The following BEND2 variants were observed in gnomAD, a reference collection of about 807,000 sequenced individuals.
BEND2 encodes the protein BEN domain-containing protein 2.
Under a neutral mutation model 43.8 loss-of-function variants are expected in BEND2, and 19 were observed. The observed-to-expected ratio is 0.43, with a 90% confidence interval of 0.30 to 0.64. BEND2 has a LOEUF of 0.64. Among genes scored for constraint, BEND2 ranks in the 30% least tolerant of loss-of-function variants. BEND2 has a pLI of 0.11. For synonymous variants in BEND2, 226 were observed against 210.1 expected, an observed-to-expected ratio of 1.08 and a Z score of -0.66; for missense variants, 544 against 574.0, an observed-to-expected ratio of 0.95 and a Z score of 0.53.
rs1483660216 is a variant in BEND2 at position 18,174,166 on chromosome X, G to A, written c.1845C>T (p.Gly615=). 1.7e-6 allele frequency: 2 copies of A among 1,209,883 alleles called. No homozygotes were observed. Among genetic ancestry groups the A allele is most frequent in the African/African-American group, 3.5e-5 (2 of 57,213 alleles). The change falls in exon 12 of 14, where the codon GGC becomes GGT. Residue 615 remains glycine, a synonymous_variant. Coordinates refer to ENST00000380033, the MANE Select transcript of BEND2 (RefSeq NM_153346.5). ...TCATTGGCTGAAACATCCAAGAACA[G>A]CCTTCACCACCATCTCTGCCCCTTT... is the stretch of plus-strand genomic sequence containing the variant. ...NDQRGRDGGE[G]CSWMFQPMNN...
At chrX:18,219,531 T>C (rs1218889291) in intron 1 of BEND2, among the ~76,000 whole-genome samples, 2 of 112,827 alleles carry the variant, frequency 1.8e-5, no homozygotes, top group African/African-American at 6.4e-5. Context: ...CAAACTCGGT[T>C]ACCATCAAAG....
intron 12 of BEND2, among the ~76,000 whole-genome samples, chrX:18,172,858 A>G (rs1450450044): frequency 9.0e-6 from 1 of 111,147 alleles, no homozygotes; most frequent in Non-Finnish European, 1.9e-5. Flanking sequence ...CTATAATCCT[A>G]TTAAGAGCAA....
intron 9 of BEND2, among the ~76,000 whole-genome samples, chrX:18,178,386 G>T (rs1924257393): frequency 9.0e-6 from 1 of 111,442 alleles, no homozygotes; most frequent in South Asian, 3.8e-4. Context: ...AGGCCCAAAG[G>T]AGATAAGTTA....
chrX:18,172,842 G>A (rs185284389), intron 12 of BEND2, among the ~76,000 whole-genome samples: 294 of 110,985 alleles, frequency 2.6e-3, no homozygotes, highest in Admixed American at 5.5e-3. Context: ...CTTAATTAAT[G>A]GAATGCTATA....
chrX:18,196,604 T>C (rs758092449), intron 6 of BEND2, among the ~76,000 whole-genome samples: 5 of 106,121 alleles, frequency 4.7e-5, no homozygotes, highest in Non-Finnish European at 9.6e-5. Context: ...AACTATTGTA[T>C]ATCCAAACCA....
intron 11 of BEND2, among the ~76,000 whole-genome samples, chrX:18,175,243 T>C (rs1462262421): frequency 1.8e-5 from 2 of 111,520 alleles, no homozygotes; most frequent in African/African-American, 6.5e-5. Context: ...CAGCTACAAA[T>C]ATTCTTGGCA....
chrX:18,177,415 T>C (rs1924208767), intron 10 of BEND2, among the ~76,000 whole-genome samples, 154 bp downstream of exon 10: 1 of 109,765 alleles, frequency 9.1e-6, no homozygotes, highest in South Asian at 4.0e-4. Context: ...TATATATTAT[T>C]AAGTTGTAAA....
chrX:18,167,325 A>G (rs1334897177), intron 13 of BEND2, among the ~76,000 whole-genome samples: 1 of 111,482 alleles, frequency 9.0e-6, no homozygotes, highest in Non-Finnish European at 1.9e-5. Context: ...AAGGTATTTC[A>G]TGAAACACCT....
chrX:18,220,124 C>T (rs1925817643), intron 1 of BEND2, among the ~76,000 whole-genome samples: 1 of 111,277 alleles, frequency 9.0e-6, no homozygotes, highest in African/African-American at 3.3e-5. Context: ...GCGGGCACCC[C>T]GGGAGAGGCG....
At chrX:18,201,435 G>A (rs1351978279) in intron 6 of BEND2, among the ~76,000 whole-genome samples, 2 of 98,766 alleles carry the variant, frequency 2.0e-5, no homozygotes, top group Non-Finnish European at 4.1e-5. Context: ...AAAAAAACTG[G>A]TGGATCAAGG....
rs1224384678 is a variant in BEND2, at chrX:18,203,709, T to G, written c.699A>C (p.Pro233=). The G allele has an allele frequency of 1.7e-6, 2 of 1,211,048 alleles. No homozygotes were observed. The highest frequency in any genetic ancestry group is 4.3e-5 in the Admixed American group (2 of 46,063). ...CAGCACCTCCACTGATAAAGTTCCA[T>G]GGCATACCGAAACAAGGAAATGAGC... The part of the protein sequence containing the change: ...QGGSFPCFGM[P]WNFISGGAES... Residue 233 remains proline, a synonymous_variant, in exon 5 of 14, where the codon CCA becomes CCC. Transcript: ENST00000380033.
chrX:18,217,318 A>G (rs902341101), intron 1 of BEND2, among the ~76,000 whole-genome samples: 1 of 112,807 alleles, frequency 8.9e-6, no homozygotes, highest in Non-Finnish European at 1.9e-5. Context: ...AAAATGTCCA[A>G]GATCAAAATA....
intron 2 of BEND2, among the ~76,000 whole-genome samples, chrX:18,214,587 G>A (rs1016637462): frequency 1.8e-5 from 2 of 109,921 alleles, no homozygotes; most frequent in Non-Finnish European, 3.8e-5. Flanking sequence ...ACTTTGGGGG[G>A]CTGAGGCGGG....
intron 4 of BEND2, among the ~76,000 whole-genome samples, chrX:18,205,171 G>T (rs1925291218): frequency 9.0e-6 from 1 of 110,711 alleles, no homozygotes; most frequent in Admixed American, 9.7e-5. Flanking sequence ...TTAAACAAAG[G>T]GCCAGAAACA....
chrX:18,179,116 A>G (rs1924283270), intron 9 of BEND2, among the ~76,000 whole-genome samples: 1 of 108,826 alleles, frequency 9.2e-6, no homozygotes, highest in African/African-American at 3.3e-5. Flanking sequence ...GTTTGTACCA[A>G]TGTATATTTC....
At chrX:18,198,756 T>C (rs954176220) in intron 6 of BEND2, among the ~76,000 whole-genome samples, 1 of 110,356 alleles carries the variant, frequency 9.1e-6, no homozygotes, top group Non-Finnish European at 1.9e-5. Flanking sequence ...TGCACACTTA[T>C]GTTTATCGTG....
At chrX:18,179,456 G>T (rs1488455013) in intron 9 of BEND2, among the ~76,000 whole-genome samples, 2 of 110,490 alleles carry the variant, frequency 1.8e-5, no homozygotes, top group Non-Finnish European at 3.8e-5. Flanking sequence ...GAGCCACCGT[G>T]CCCAGCCGAG....
In BEND2 at chrX:18,216,529, A is replaced by T. The variant is rs1419734211; in HGVS notation, c.230T>A (p.Met77Lys). 5.0e-6 allele frequency: 6 copies of T among 1,199,586 alleles called. No individual in the cohort carries two copies. Among genetic ancestry groups the T allele is most frequent in the Non-Finnish European group, 6.8e-6 (6 of 886,083 alleles). ...GNDGHHRPLQ[M>K]SYGSGSVTQA... is the part of the protein sequence containing the mutation. The stretch of plus-strand genomic sequence containing the variant: ...AAATTTAACAAAATTACCATATGAC[A>T]TTTGGAGTGGACGGTGATGGCCATC... The change falls in exon 2 of 14, where the codon ATG becomes AAG. Residue 77 changes from methionine to lysine, a missense_variant. Transcript: ENST00000380033.
At chrX:18,174,681 T>C (rs953145056) in intron 11 of BEND2, among the ~76,000 whole-genome samples, 3 of 111,739 alleles carry the variant, frequency 2.7e-5, no homozygotes, top group Non-Finnish European at 5.6e-5. Context: ...TAAAAACAAA[T>C]GGTTGTGCTG....
Sources: gnomAD v4.1 joint callset for allele counts (sites outside exome capture counted in the v4.1 genomes callset) on GRCh38, gnomAD v4.1.1 for gene constraint, MANE v1.5 for transcripts, NCBI Gene and HGNC (gene_info 2026-07-23, HGNC 2026-07-21) for gene names.